WIPF3: variants seen among roughly 807,000 people sequenced by gnomAD.
The protein encoded by WIPF3 is WAS/WASL-interacting protein family member 3.
Under a neutral mutation model 38.9 loss-of-function variants are expected in WIPF3, and 33 were observed. The ratio of observed to expected loss-of-function variants is 0.85; its 90% CI spans 0.64 to 1.14. The LOEUF (loss-of-function observed/expected upper bound fraction) is 1.14, where lower values mean the gene tolerates loss of function less well. Among genes scored for constraint, WIPF3 ranks in the 50% most tolerant of loss-of-function variants. The pLI, the probability that WIPF3 is intolerant of heterozygous loss-of-function variation, is 0.00. For missense variants in WIPF3, 711 were observed against 652.5 expected (o/e 1.09, Z -0.98); for synonymous variants, 324 against 269.3 (o/e 1.20, Z -1.99).
Position 29,866,361 on chromosome 7 carries a change from C to T in WIPF3, c.91-9469C>T, listed in dbSNP as rs1006307564. ...GGGAGGCCAAATGCCAAAGACCCTG[C>T]ATTTTGCCCTGCAGCCAATAGGGAG... is the stretch of plus-strand genomic sequence containing the variant. On this transcript the variant is annotated intron_variant, in intron 2 of 8. Coordinates refer to ENST00000242140, the MANE Select transcript of WIPF3 (RefSeq NM_001080529.3). Among the ~76,000 whole-genome samples the T allele has an allele frequency of 2.0e-5, 3 of 152,322 alleles. No individual in the cohort carries two copies. In the South Asian group the frequency reaches 6.2e-4, roughly 32 times the overall value.
At chr7:29,885,711 GAGGCTA>G (rs1293105324) in intron 5 of WIPF3, among the ~76,000 whole-genome samples, 1 of 152,174 alleles carries the variant, frequency 6.6e-6, no homozygotes, top group East Asian at 1.9e-4. Flanking sequence ...AGCTACTTGG[GAGGCTA>G]AGGCAGGAGG....
chr7:29,901,905 C>A lies in WIPF3; in HGVS notation c.1352-2381C>A, dbSNP rs547272262. On this transcript the variant is annotated intron_variant, in intron 7 of 8. Transcript: ENST00000242140. ...TGGGAATTGCTAACCTATGGTGAAGCCTATTTTATTGCCTAGTGGTTCCCA... is the reference window on the plus strand; with the variant it reads ...TGGGAATTGCTAACCTATGGTGAAGACTATTTTATTGCCTAGTGGTTCCCA... Among the ~76,000 whole-genome samples, 7 of 151,260 alleles carry A rather than the reference C, an allele frequency of 4.6e-5. No individual in the cohort carries two copies. The East Asian group carries it at 1.4e-3, about 29-fold the overall frequency.
rs1353110136 is a variant in WIPF3, at chr7:29,884,048, C to T, written c.554C>T (p.Pro185Leu). The change falls in exon 5 of 9, where the codon CCC (proline) becomes CTC (leucine). Residue 185 changes from proline to leucine, a missense_variant. Transcript: ENST00000242140. The part of the protein sequence containing the change: ...PPPTPPPPPP[P>L]LPPPLPSSSP... The stretch of plus-strand genomic sequence containing the variant: ...CCCACCCCACCCCCTCCGCCTCCAC[C>T]CTTACCCCCGCCCCTTCCCTCTTCC... 8.4e-6 allele frequency: 12 copies of T among 1,430,692 alleles called. No individual in the cohort carries two copies. The highest frequency in any genetic ancestry group is 1.1e-5 in the Non-Finnish European group (12 of 1,071,548). The allele number at this position is 1,430,692 out of a possible 1,614,324, so 88.6% of individuals were successfully genotyped here.
intron 2 of WIPF3, among the ~76,000 whole-genome samples, chr7:29,866,641 T>C (rs1785392517): frequency 6.6e-6 from 1 of 152,280 alleles, no homozygotes; most frequent in Non-Finnish European, 1.5e-5. Flanking sequence ...CAGCCTTGGC[T>C]GTCCTTTCTG....
chr7:29,881,137 T>C (rs1447679175), intron 4 of WIPF3, among the ~76,000 whole-genome samples: 1 of 152,226 alleles, frequency 6.6e-6, no homozygotes, highest in African/African-American at 2.4e-5. Flanking sequence ...AAAGTGTCCG[T>C]GAGGTCTTCA....
At chr7:29,853,327 C>T (rs1209998034) in intron 2 of WIPF3, among the ~76,000 whole-genome samples, 2 of 152,184 alleles carry the variant, frequency 1.3e-5, no homozygotes, top group African/African-American at 4.8e-5. Context: ...TGAAGTCATC[C>T]TCTGGAATAG....
At chr7:29,906,660 G>C (rs139567323) in intron 8 of WIPF3, among the ~76,000 whole-genome samples, 2 of 152,160 alleles carry the variant, frequency 1.3e-5, no homozygotes, top group East Asian at 1.9e-4. Flanking sequence ...TTGATGAAAG[G>C]CATGAATATA....
rs1785783144 is a variant in WIPF3, at chr7:29,884,025, C to G, written c.531C>G (p.Pro177=). The change falls in exon 5 of 9, where the codon CCC becomes CCG. Residue 177 remains proline, a synonymous_variant. Coordinates refer to ENST00000242140, the MANE Select transcript of WIPF3 (RefSeq NM_001080529.3). ...CCAACGTGCCTGCCCCGCCCCCTCC[C>G]ACCCCACCCCCTCCGCCTCCACCCT... ...PRPNVPAPPP[P]TPPPPPPPLP... is the part of the protein sequence containing the mutation. The G allele has an allele frequency of 1.6e-5, 21 of 1,335,768 alleles. No homozygotes were observed. The highest frequency in any genetic ancestry group is 1.9e-5 in the Non-Finnish European group (19 of 1,017,812). The allele number at this position is 1,335,768 out of a possible 1,614,324, so 82.7% of individuals were successfully genotyped here.
At chr7:29,808,764 G>T (rs896172630) in intron 1 of WIPF3, among the ~76,000 whole-genome samples, 4 of 152,046 alleles carry the variant, frequency 2.6e-5, no homozygotes, top group Non-Finnish European at 5.9e-5. Flanking sequence ...AAAGCCAGCT[G>T]GTCTAGCCTG....
At chr7:29,834,915 C>T (rs2128065437) in intron 2 of WIPF3, 101 bp downstream of exon 2, 2 of 1,386,398 alleles carry the variant, frequency 1.4e-6, no homozygotes, top group East Asian at 3.1e-5. Context: ...TGCCTAGCTT[C>T]CCTGTGGCAG....
Position 29,914,549 on chromosome 7 carries a change from A to G in WIPF3, c.*33A>G. On this transcript the variant is annotated 3_prime_UTR_variant, in exon 9 of 9. Coordinates refer to ENST00000242140, the MANE Select transcript of WIPF3 (RefSeq NM_001080529.3). ...GATGAAGCGAAGGTCCTGGGGTTCCAGGTTGCAGAACAACATGTCAGACCC... is the reference window on the plus strand; with the variant it reads ...GATGAAGCGAAGGTCCTGGGGTTCCGGGTTGCAGAACAACATGTCAGACCC... 1 of 1,491,164 alleles carries G rather than the reference A, an allele frequency of 6.7e-7. No homozygotes were observed. The highest frequency in any genetic ancestry group is 2.6e-5 in the East Asian group (1 of 37,994). 92.4% of individuals were successfully genotyped at this position (1,491,164 alleles called of 1,614,324 possible).
chr7:29,865,925 G>A (rs529100124), intron 2 of WIPF3, among the ~76,000 whole-genome samples: 4 of 152,296 alleles, frequency 2.6e-5, no homozygotes, highest in East Asian at 1.9e-4. Context: ...TTGGGAGGCC[G>A]AGGCAGGTGG....
chr7:29,841,590 C>T (rs1218993836), intron 2 of WIPF3, among the ~76,000 whole-genome samples: 1 of 152,168 alleles, frequency 6.6e-6, no homozygotes, highest in Admixed American at 6.5e-5. Flanking sequence ...GCAGGTGGAT[C>T]ACTTGAGGTC....
chr7:29,882,961 G>A (rs760875475), intron 4 of WIPF3, among the ~76,000 whole-genome samples: 2 of 152,162 alleles, frequency 1.3e-5, no homozygotes, highest in South Asian at 2.1e-4. Context: ...AGTAAACAAC[G>A]AGAGGAACTT....
chr7:29,809,061 GTGTTAT>G (rs1784331846), intron 1 of WIPF3, among the ~76,000 whole-genome samples: 1 of 152,150 alleles, frequency 6.6e-6, no homozygotes, highest in African/African-American at 2.4e-5. Context: ...TCTAGCAAAT[GTGTTAT>G]AAATATTTAA....
intron 7 of WIPF3, among the ~76,000 whole-genome samples, chr7:29,897,560 C>T (rs1200662641): frequency 1.3e-5 from 2 of 152,068 alleles, no homozygotes; most frequent in African/African-American, 4.8e-5. Flanking sequence ...TGTGATTGAA[C>T]TCCTATTTTA....
At chr7:29,876,675 G>C (rs1785604449) in intron 3 of WIPF3, among the ~76,000 whole-genome samples, 1 of 152,220 alleles carries the variant, frequency 6.6e-6, no homozygotes, top group Non-Finnish European at 1.5e-5. Flanking sequence ...CTTAAACTCA[G>C]TGATAGAAAG....
chr7:29,852,081 A>G (rs1402389722), intron 2 of WIPF3, among the ~76,000 whole-genome samples: 2 of 152,142 alleles, frequency 1.3e-5, no homozygotes, highest in Non-Finnish European at 2.9e-5. Context: ...GGCTCACTGC[A>G]GCCTCCAGCT....
At position 29,915,868 on chromosome 7, in the gene WIPF3, G is replaced by C. The variant is rs1786604951; in HGVS notation, c.*1352G>C. ...TGCCCTTTAAAGGAAATCAGGCAGGGAGGGGAGGGAAACCAGCGAAAAAGA... is the reference window on the plus strand; with the variant it reads ...TGCCCTTTAAAGGAAATCAGGCAGGCAGGGGAGGGAAACCAGCGAAAAAGA... On this transcript the variant is annotated 3_prime_UTR_variant, in exon 9 of 9. Coordinates refer to ENST00000242140, the MANE Select transcript of WIPF3 (RefSeq NM_001080529.3). The C allele has an allele frequency of 6.6e-6, 1 of 152,550 alleles. No individual in the cohort carries two copies. The highest frequency in any genetic ancestry group is 1.5e-5 in the Non-Finnish European group (1 of 68,316). 9.4% of individuals were successfully genotyped at this position (152,550 alleles called of 1,614,324 possible).
Sources: gnomAD v4.1 joint callset for allele counts (sites outside exome capture counted in the v4.1 genomes callset) on GRCh38, gnomAD v4.1.1 for gene constraint, MANE v1.5 for transcripts, NCBI Gene and HGNC (gene_info 2026-07-23, HGNC 2026-07-21) for gene names.